RUNX2: variants seen among roughly 807,000 people sequenced by gnomAD.
The protein encoded by RUNX2 is RUNX family transcription factor 2, also known as runt-related transcription factor 2.
A neutral mutation model predicts 51.7 loss-of-function variants in RUNX2; 10 were observed. That is an observed-to-expected ratio of 0.19 (90% confidence interval 0.12 to 0.33). The LOEUF is 0.33. Ranked by LOEUF, RUNX2 falls within the 10% of genes least tolerant of loss-of-function variation. The pLI is 1.00. For synonymous variants in RUNX2, 276 were observed against 273.6 expected (o/e 1.01, Z -0.09); for missense variants, 562 against 691.3 (o/e 0.81, Z 2.10).
chr6:45,337,067 T>C (rs1356072218), intron 2 of RUNX2, among the ~76,000 whole-genome samples: 5 of 151,590 alleles, frequency 3.3e-5, no homozygotes, highest in Non-Finnish European at 7.4e-5. Context: ...GCAACAATAA[T>C]ATAGTGAGAA....
intron 2 of RUNX2, among the ~76,000 whole-genome samples, chr6:45,376,854 CATACATAT>C (rs1796849599): frequency 6.6e-6 from 1 of 151,736 alleles, no homozygotes; most frequent in South Asian, 2.1e-4. Context: ...CAAATACATA[CATACATAT>C]ATACACATAC....
At chr6:45,496,209 G>A (rs1262298734) in intron 6 of RUNX2, among the ~76,000 whole-genome samples, 3 of 152,132 alleles carry the variant, frequency 2.0e-5, no homozygotes, top group South Asian at 2.1e-4. Flanking sequence ...AGATGGGTCC[G>A]CTACACCTAA....
chr6:45,432,072 T>C, intron 4 of RUNX2, 53 bp downstream of exon 4: 1 of 1,539,332 alleles, frequency 6.5e-7, no homozygotes, highest in Non-Finnish European at 8.9e-7. Flanking sequence ...TAGGCTCCTT[T>C]GATGAAATGT....
chr6:45,438,109 A>C, intron 5 of RUNX2, 58 bp downstream of exon 5: 1 of 1,078,058 alleles, frequency 9.3e-7, no homozygotes, highest in Non-Finnish European at 1.4e-6. Flanking sequence ...CCCTATGAGG[A>C]ATTTATTCCA....
chr6:45,494,973 C>T (rs983412280), intron 6 of RUNX2, among the ~76,000 whole-genome samples: 3 of 152,160 alleles, frequency 2.0e-5, no homozygotes, highest in East Asian at 1.9e-4. Context: ...CCTGAGTACA[C>T]GTGCTTCTCT....
chr6:45,403,053 C>T (rs974596969), intron 2 of RUNX2, among the ~76,000 whole-genome samples: 4 of 151,988 alleles, frequency 2.6e-5, no homozygotes, highest in African/African-American at 9.7e-5. Context: ...CATTTTTCTT[C>T]TTAAGGTTAT....
intron 2 of RUNX2, among the ~76,000 whole-genome samples, chr6:45,332,934 T>C (rs115819060): frequency 0.017 from 2,651 of 151,784 alleles, 49 homozygotes; most frequent in South Asian, 0.085. Context: ...CAATGAACGC[T>C]GCAACTTCCA....
At chr6:45,449,811 C>T (rs1466264297) in intron 5 of RUNX2, among the ~76,000 whole-genome samples, 2 of 152,026 alleles carry the variant, frequency 1.3e-5, no homozygotes, top group Non-Finnish European at 1.5e-5. Context: ...AACTTAACCT[C>T]AATAGAATCT....
intron 2 of RUNX2, among the ~76,000 whole-genome samples, chr6:45,331,115 G>GTA (rs1787398597): frequency 6.7e-6 from 1 of 149,688 alleles, no homozygotes; most frequent in African/African-American, 2.5e-5. Context: ...GTGTGTGTGT[G>GTA]TGTGTGTGTG....
At chr6:45,369,789 CAAAT>C (rs1795752219) in intron 2 of RUNX2, among the ~76,000 whole-genome samples, 1 of 152,058 alleles carries the variant, frequency 6.6e-6, no homozygotes, top group Non-Finnish European at 1.5e-5. Context: ...AGCACATAAA[CAAAT>C]ATAATTTGAG....
intron 2 of RUNX2, among the ~76,000 whole-genome samples, chr6:45,401,861 G>C (rs971829885): frequency 1.6e-4 from 24 of 152,202 alleles, no homozygotes; most frequent in African/African-American, 5.8e-4. Flanking sequence ...GATACTTTCT[G>C]TGGTGCTCAT....
At chr6:45,508,220 CTTTTTTTTTTTT>C (rs61501897) in intron 6 of RUNX2, among the ~76,000 whole-genome samples, 1 of 65,646 alleles carries the variant, frequency 1.5e-5, no homozygotes, top group Non-Finnish European at 2.8e-5. Flanking sequence ...CTTATATTTC[CTTTTTTTTTTTT>C]TTTTTTTTTT....
At chr6:45,334,434 G>T (rs1581667237) in intron 2 of RUNX2, among the ~76,000 whole-genome samples, 1 of 122,320 alleles carries the variant, frequency 8.2e-6, no homozygotes, top group African/African-American at 3.0e-5. Context: ...CATCTATTTT[G>T]TGCTTCAGGA....
intron 3 of RUNX2, among the ~76,000 whole-genome samples, chr6:45,429,792 T>G (rs1043859630): frequency 2.0e-5 from 3 of 152,154 alleles, no homozygotes; most frequent in East Asian, 1.9e-4. Context: ...CTCTTTCATT[T>G]ATTTCAAAAA....
intron 2 of RUNX2, among the ~76,000 whole-genome samples, chr6:45,376,818 T>C (rs1383072504): frequency 6.6e-6 from 1 of 152,222 alleles, no homozygotes; most frequent in Non-Finnish European, 1.5e-5. Flanking sequence ...CCTTCACATA[T>C]ACTAAGACCC....
intron 7 of RUNX2, chr6:45,513,642 A>C (rs1317770724): frequency 6.6e-6 from 1 of 151,850 alleles, no homozygotes; most frequent in Non-Finnish European, 1.5e-5. Context: ...CAGCAGATGG[A>C]CTCCCATGGG....
chr6:45,442,115 C>T (rs1421904746), intron 5 of RUNX2, among the ~76,000 whole-genome samples: 7 of 152,308 alleles, frequency 4.6e-5, no homozygotes, highest in Middle Eastern at 3.4e-3. Context: ...TGATTCATCT[C>T]GGTTATAAAA....
intron 6 of RUNX2, among the ~76,000 whole-genome samples, chr6:45,505,990 T>C (rs1582184235): frequency 6.6e-6 from 1 of 152,220 alleles, no homozygotes; most frequent in Non-Finnish European, 1.5e-5. Context: ...CAGTGGCTTC[T>C]ACCTTAGACA....
chr6:45,548,356 A>C lies in RUNX2; in HGVS notation c.*1051A>C, dbSNP rs1406198772. ...AAATATTGCTAAGCAATTTCAGTTC[A>C]TCCAGGCACAATGTGATTTTAAAAA... On this transcript the variant is annotated 3_prime_UTR_variant, in exon 9 of 9. Transcript: ENST00000647337. 2 of 152,648 alleles carry C rather than the reference A, an allele frequency of 1.3e-5. No homozygotes were observed. Among genetic ancestry groups the C allele is most frequent in the Admixed American group, 6.5e-5 (1 of 15,278 alleles). 9.5% of individuals were successfully genotyped at this position (152,648 alleles called of 1,614,324 possible). A position where few individuals can be genotyped will look rare whatever the true frequency, so the allele number is the denominator to read the frequency against.
Sources: gnomAD v4.1 joint callset for allele counts (sites outside exome capture counted in the v4.1 genomes callset) on GRCh38, gnomAD v4.1.1 for gene constraint, MANE v1.5 for transcripts, NCBI Gene and HGNC (gene_info 2026-07-23, HGNC 2026-07-21) for gene names.